The following ZFPM2 variants were observed in gnomAD, a reference collection of about 807,000 sequenced individuals.
ZFPM2 encodes the protein zinc finger protein ZFPM2.
In ZFPM2, 20 loss-of-function variants were observed where a neutral mutation model predicts 98.6. That is an observed-to-expected ratio of 0.20 (90% CI 0.14 to 0.29). The LOEUF is 0.29. ZFPM2 is among the 10% of genes least tolerant of loss of function. ZFPM2 has a pLI of 1.00. For missense variants in ZFPM2, 1,310 were observed against 1,388.6 expected (o/e 0.94, Z 0.90); for synonymous variants, 518 against 502.7 (o/e 1.03, Z -0.41).
At chr8:105,322,241 G>A (rs1812040378) in intron 1 of ZFPM2, among the ~76,000 whole-genome samples, 1 of 152,024 alleles carries the variant, frequency 6.6e-6, no homozygotes, top group African/African-American at 2.4e-5. Flanking sequence ...CCATTCTGGG[G>A]CTGCAGTGCA....
chr8:105,674,691 T>C (rs914136020), intron 5 of ZFPM2, among the ~76,000 whole-genome samples: 5 of 152,156 alleles, frequency 3.3e-5, no homozygotes, highest in Non-Finnish European at 5.9e-5. Context: ...TAGAGGCTGA[T>C]TTTACACACT....
chr8:105,442,812 A>T (rs1390934492), intron 2 of ZFPM2, among the ~76,000 whole-genome samples: 1 of 152,182 alleles, frequency 6.6e-6, no homozygotes, highest in Non-Finnish European at 1.5e-5. Context: ...TCATATTAAC[A>T]TCATGTTAAA....
intron 1 of ZFPM2, among the ~76,000 whole-genome samples, chr8:105,410,990 A>T (rs1277452867): frequency 2.6e-5 from 4 of 151,868 alleles, no homozygotes; most frequent in Non-Finnish European, 5.9e-5. Flanking sequence ...TACATTGAAT[A>T]ACCAGGAAAG....
intron 5 of ZFPM2, among the ~76,000 whole-genome samples, chr8:105,757,520 G>A (rs534641914): frequency 9.9e-5 from 15 of 152,194 alleles, no homozygotes; most frequent in South Asian, 6.2e-4. Context: ...GACAAAACGC[G>A]TAGTTATTAT....
At chr8:105,772,952 T>C (rs1444613292) in intron 5 of ZFPM2, among the ~76,000 whole-genome samples, 1 of 152,166 alleles carries the variant, frequency 6.6e-6, no homozygotes, top group Non-Finnish European at 1.5e-5. Context: ...TGCAGTGCCA[T>C]TTAGTTGAGC....
chr8:105,608,006 A>G (rs1379186684), intron 4 of ZFPM2, among the ~76,000 whole-genome samples: 2 of 152,118 alleles, frequency 1.3e-5, no homozygotes, highest in Admixed American at 1.3e-4. Flanking sequence ...GTGCAGCCGT[A>G]AAAAAGAACG....
chr8:105,407,318 C>A (rs1811482627), intron 1 of ZFPM2, among the ~76,000 whole-genome samples: 1 of 151,842 alleles, frequency 6.6e-6, no homozygotes, highest in Non-Finnish European at 1.5e-5. Context: ...TTACACTATG[C>A]TGGTTGTAGT....
intron 1 of ZFPM2, among the ~76,000 whole-genome samples, chr8:105,393,894 CTTTTT>C (rs771677766): frequency 7.4e-6 from 1 of 134,744 alleles, no homozygotes; most frequent in Non-Finnish European, 1.6e-5. Flanking sequence ...TAAAATATTT[CTTTTT>C]TTTTTTTTTT....
chr8:105,347,073 C>T (rs1231382947), intron 1 of ZFPM2, among the ~76,000 whole-genome samples: 1 of 152,084 alleles, frequency 6.6e-6, no homozygotes, highest in Non-Finnish European at 1.5e-5. Context: ...CTTTAGTTCT[C>T]TTATTTGAGA....
chr8:105,399,091 G>C (rs1016116422), intron 1 of ZFPM2, among the ~76,000 whole-genome samples: 11 of 152,166 alleles, frequency 7.2e-5, no homozygotes, highest in African/African-American at 2.7e-4. Flanking sequence ...ATCTCAGGGA[G>C]GAAGGGAGGA....
At chr8:105,757,177 G>C (rs146899651) in intron 5 of ZFPM2, among the ~76,000 whole-genome samples, 8 of 152,106 alleles carry the variant, frequency 5.3e-5, no homozygotes, top group Non-Finnish European at 1.0e-4. Context: ...CTCCCTGAGA[G>C]AATACTAATA....
chr8:105,753,162 A>G (rs1426053547), intron 5 of ZFPM2, among the ~76,000 whole-genome samples: 1 of 152,152 alleles, frequency 6.6e-6, no homozygotes, highest in African/African-American at 2.4e-5. Context: ...AATTAGCTGC[A>G]ATTTCCACCA....
intron 3 of ZFPM2, among the ~76,000 whole-genome samples, chr8:105,455,571 A>C (rs1812572293): frequency 6.6e-6 from 1 of 152,008 alleles, no homozygotes; most frequent in African/African-American, 2.4e-5. Flanking sequence ...CAGAGAAGTC[A>C]CATGCTCATA....
chr8:105,797,350 G>GT (rs745568217), intron 6 of ZFPM2: 16 of 152,146 alleles, frequency 1.1e-4, no homozygotes, highest in Non-Finnish European at 1.9e-4. Context: ...CTCAAACCCT[G>GT]TTGTGTTTCC....
At chr8:105,405,818 T>C (rs1811440860) in intron 1 of ZFPM2, among the ~76,000 whole-genome samples, 1 of 152,132 alleles carries the variant, frequency 6.6e-6, no homozygotes, top group South Asian at 2.1e-4. Flanking sequence ...CTGGGTCAAA[T>C]GGTATTTCTA....
At chr8:105,614,478 G>T (rs1816372637) in intron 4 of ZFPM2, among the ~76,000 whole-genome samples, 1 of 152,042 alleles carries the variant, frequency 6.6e-6, no homozygotes, top group African/African-American at 2.4e-5. Flanking sequence ...GAGAAATTCT[G>T]ATGCTTTTTC....
At chr8:105,461,675 C>T (rs569675906) in intron 3 of ZFPM2, among the ~76,000 whole-genome samples, 1 of 152,044 alleles carries the variant, frequency 6.6e-6, no homozygotes, top group African/African-American at 2.4e-5. Flanking sequence ...CTTTTTCATT[C>T]CCATCTCTGG....
intron 5 of ZFPM2, among the ~76,000 whole-genome samples, chr8:105,757,433 G>C (rs1191096908): frequency 6.6e-6 from 1 of 152,060 alleles, no homozygotes; most frequent in Non-Finnish European, 1.5e-5. Flanking sequence ...CTATATTAAA[G>C]GGAATGTTTA....
At chr8:105,669,127 T>A (rs77712201) in intron 5 of ZFPM2, among the ~76,000 whole-genome samples, 11 of 152,072 alleles carry the variant, frequency 7.2e-5, no homozygotes, top group African/African-American at 2.2e-4. Flanking sequence ...ACAATGACTA[T>A]ATTGCAAGCA....
Sources: gnomAD v4.1 joint callset for allele counts (sites outside exome capture counted in the v4.1 genomes callset) on GRCh38, gnomAD v4.1.1 for gene constraint, MANE v1.5 for transcripts, NCBI Gene and HGNC (gene_info 2026-07-23, HGNC 2026-07-21) for gene names.